CFAP47: variants seen among roughly 807,000 people sequenced by gnomAD.
CFAP47 encodes cilia and flagella associated protein 47.
A neutral mutation model predicts 148.1 loss-of-function variants in CFAP47; 29 were observed. That is an observed-to-expected ratio of 0.20 (90% CI 0.15 to 0.27). The LOEUF (loss-of-function observed/expected upper bound fraction) is 0.27. Ranked by LOEUF, CFAP47 falls within the 10% of genes least tolerant of loss-of-function variation. CFAP47 has a pLI of 1.00. For missense variants in CFAP47, 1,872 were observed against 1,697.5 expected (o/e 1.10, Z -1.81); for synonymous variants, 664 against 577.3 (o/e 1.15, Z -2.15).
At chrX:36,006,588 T>G (rs1000078553) in intron 21 of CFAP47, among the ~76,000 whole-genome samples, 9 of 112,272 alleles carry the variant, frequency 8.0e-5, no homozygotes, top group Non-Finnish European at 1.7e-4. Flanking sequence ...TTGGTTGACC[T>G]ATGTAGCAGG....
chrX:36,281,883 A>ATGG (rs1158049329), intron 50 of CFAP47, among the ~76,000 whole-genome samples: 4 of 111,694 alleles, frequency 3.6e-5, no homozygotes, highest in Non-Finnish European at 7.5e-5. Flanking sequence ...CAGGTATTTT[A>ATGG]TGGTGGTGGT....
At chrX:36,265,089 G>A (rs1004690209) in intron 49 of CFAP47, among the ~76,000 whole-genome samples, 15 of 111,642 alleles carry the variant, frequency 1.3e-4, no homozygotes, top group African/African-American at 4.6e-4. Context: ...TTTCAGCTGT[G>A]TTTTGTAATT....
intron 26 of CFAP47, among the ~76,000 whole-genome samples, chrX:36,049,488 TCACACACA>T (rs397895931): frequency 6.6e-4 from 61 of 92,271 alleles, no homozygotes; most frequent in African/African-American, 1.6e-3. Context: ...TTTCTCTCTC[TCACACACA>T]CACACACACA....
chrX:36,022,144 A>T (rs748343193), intron 22 of CFAP47: 1 of 111,576 alleles, frequency 9.0e-6, no homozygotes. Flanking sequence ...TACTCCACGC[A>T]TTCCTTGTAG....
chrX:36,058,327 A>G (rs769424926), intron 26 of CFAP47, among the ~76,000 whole-genome samples: 1 of 112,328 alleles, frequency 8.9e-6, no homozygotes, highest in Non-Finnish European at 1.9e-5. Context: ...CTTAGAGTAT[A>G]TAATGACATT....
chrX:36,030,944 C>A (rs1937272082), intron 22 of CFAP47, among the ~76,000 whole-genome samples: 1 of 110,029 alleles, frequency 9.1e-6, no homozygotes, highest in African/African-American at 3.3e-5. Flanking sequence ...GTGTGGAGAT[C>A]ATTTTAGCTC....
intron 30 of CFAP47, 21 bp from the exon 31 acceptor site, chrX:36,098,772 G>A: frequency 9.9e-7 from 1 of 1,006,775 alleles, no homozygotes; most frequent in East Asian, 3.3e-5. Flanking sequence ...TATAATTTGA[G>A]TTTTTCTTTT....
At chrX:35,989,577 GT>G in intron 16 of CFAP47, 128 bp downstream of exon 16, 3 of 1,165,106 alleles carry the variant, frequency 2.6e-6, no homozygotes, top group Non-Finnish European at 3.4e-6. Flanking sequence ...AACAGTACTA[GT>G]TTTTTTGTTA....
At chrX:36,167,592 G>A (rs1160502304) in intron 39 of CFAP47, among the ~76,000 whole-genome samples, 1 of 111,316 alleles carries the variant, frequency 9.0e-6, no homozygotes, top group Non-Finnish European at 1.9e-5. Context: ...TCTCAACTGC[G>A]CTTGCCCAGA....
chrX:36,317,071 G>A (rs1183646474), intron 56 of CFAP47, among the ~76,000 whole-genome samples: 5 of 112,089 alleles, frequency 4.5e-5, no homozygotes, highest in African/African-American at 1.3e-4. Context: ...ATGAGCCACT[G>A]CGCCCAGCCC....
chrX:36,038,328 C>T (rs918355842), intron 24 of CFAP47, among the ~76,000 whole-genome samples: 2 of 111,989 alleles, frequency 1.8e-5, no homozygotes, highest in Non-Finnish European at 3.8e-5. Flanking sequence ...ACACACTATT[C>T]TTGGAGATTT....
Position 36,104,534 on chromosome X carries a change from C to T in CFAP47, c.5163C>T (p.Ser1721=). The change falls in exon 33 of 64, where the codon AGC becomes AGT. Residue 1721 remains serine, a synonymous_variant. Transcript: ENST00000378653. ...TATCCCGTGTAGTGCCATACTGCAGCAATAATATGCCCCCCATATGTGTGC... is the reference window on the plus strand; with the variant it reads ...TATCCCGTGTAGTGCCATACTGCAGTAATAATATGCCCCCCATATGTGTGC... ...LVLSRVVPYC[S]NNMPPICVQN... 7.1e-6 allele frequency: 7 copies of T among 984,927 alleles called. No individual in the cohort carries two copies. The highest frequency in any genetic ancestry group is 9.7e-6 in the Non-Finnish European group (7 of 722,256). The allele number at this position is 984,927 out of a possible 1,213,427, so 81.2% of individuals were successfully genotyped here.
At chrX:36,089,630 C>T (rs774903139) in intron 30 of CFAP47, among the ~76,000 whole-genome samples, 1 of 110,948 alleles carries the variant, frequency 9.0e-6, no homozygotes, top group South Asian at 3.8e-4. Flanking sequence ...TTACTTCACC[C>T]GTTTTAGCTC....
intron 56 of CFAP47, among the ~76,000 whole-genome samples, chrX:36,312,836 C>T (rs1941404206): frequency 1.8e-5 from 2 of 111,335 alleles, no homozygotes; most frequent in Admixed American, 9.6e-5. Flanking sequence ...GTTTCTCCCC[C>T]TTCTTCCTTA....
intron 30 of CFAP47, among the ~76,000 whole-genome samples, chrX:36,092,178 A>G (rs961571175): frequency 5.4e-5 from 6 of 111,772 alleles, no homozygotes; most frequent in African/African-American, 1.9e-4. Flanking sequence ...AATGTATTAA[A>G]TGATATAAAT....
intron 40 of CFAP47, among the ~76,000 whole-genome samples, chrX:36,185,918 A>G (rs1555985530): frequency 9.0e-6 from 1 of 111,571 alleles, no homozygotes; most frequent in Non-Finnish European, 1.9e-5. Context: ...TTACCCCCTT[A>G]TATTTCTCAT....
chrX:36,189,270 G>C (rs1555986145), intron 41 of CFAP47, among the ~76,000 whole-genome samples: 1 of 110,838 alleles, frequency 9.0e-6, no homozygotes, highest in African/African-American at 3.3e-5. Context: ...AATGGAGGCT[G>C]GGGCTTGAGT....
chrX:36,095,226 C>T (rs948041653), intron 30 of CFAP47, among the ~76,000 whole-genome samples: 1 of 111,697 alleles, frequency 9.0e-6, no homozygotes, highest in Non-Finnish European at 1.9e-5. Flanking sequence ...CTTGACTCAA[C>T]AGGGATAAAT....
At chrX:36,042,145 T>C (rs1937413646) in intron 25 of CFAP47, among the ~76,000 whole-genome samples, 1 of 110,894 alleles carries the variant, frequency 9.0e-6, no homozygotes, top group South Asian at 3.8e-4. Flanking sequence ...AGTAATAAAA[T>C]AGATATTCTT....
Sources: allele counts gnomAD v4.1 joint callset (sites outside exome capture counted in the v4.1 genomes callset), GRCh38; gene constraint gnomAD v4.1.1; transcripts MANE v1.5; gene names NCBI Gene and HGNC (gene_info 2026-07-23, HGNC 2026-07-21).